The following DIAPH3 variants were observed in gnomAD, a reference collection of about 807,000 sequenced individuals.
DIAPH3 encodes protein diaphanous homolog 3.
In DIAPH3, 117 loss-of-function variants were observed where a neutral mutation model predicts 144.3. The observed-to-expected ratio is 0.81, with a 90% CI of 0.70 to 0.95. The LOEUF (loss-of-function observed/expected upper bound fraction) is 0.95, where lower values mean the gene tolerates loss of function less well. Ranked by LOEUF, DIAPH3 falls within the 40% of genes least tolerant of loss-of-function variation. DIAPH3 has a pLI of 0.00. For missense variants in DIAPH3, 1,421 were observed against 1,412.7 expected (o/e 1.01, Z -0.09); for synonymous variants, 519 against 488.9 (o/e 1.06, Z -0.81).
chr13:59,885,157 A>G (rs181794106), intron 20 of DIAPH3, among the ~76,000 whole-genome samples: 1 of 152,262 alleles, frequency 6.6e-6, no homozygotes, highest in Non-Finnish European at 1.5e-5. Context: ...ATCAAGTGGT[A>G]AAGCTATGAT....
At chr13:59,837,173 T>A (rs1243590835) in intron 23 of DIAPH3, among the ~76,000 whole-genome samples, 4 of 152,070 alleles carry the variant, frequency 2.6e-5, no homozygotes. Flanking sequence ...AAGAGATACA[T>A]GAATGCTAAT....
chr13:59,987,475 T>TAAAA (rs201333360), intron 12 of DIAPH3, among the ~76,000 whole-genome samples: 4 of 70,162 alleles, frequency 5.7e-5, no homozygotes, highest in South Asian at 1.3e-3. Context: ...TAAAGTATAA[T>TAAAA]AAAAAAAAAA....
At chr13:60,138,009 C>G (rs1341268384) in intron 1 of DIAPH3, among the ~76,000 whole-genome samples, 1 of 152,104 alleles carries the variant, frequency 6.6e-6, no homozygotes, top group African/African-American at 2.4e-5. Context: ...AAGGAGTGAG[C>G]CACCACGCCT....
At chr13:60,056,890 G>A (rs1170461417) in intron 4 of DIAPH3, among the ~76,000 whole-genome samples, 1 of 151,882 alleles carries the variant, frequency 6.6e-6, no homozygotes, top group Non-Finnish European at 1.5e-5. Context: ...GCATAACACT[G>A]TAAAGATATT....
intron 22 of DIAPH3, among the ~76,000 whole-genome samples, chr13:59,859,367 C>T (rs1031844344): frequency 6.6e-6 from 1 of 152,052 alleles, no homozygotes; most frequent in African/African-American, 2.4e-5. Context: ...GAAAAATACC[C>T]AGAAGAACCA....
chr13:59,891,554 G>A (rs567894667), intron 20 of DIAPH3, among the ~76,000 whole-genome samples: 73 of 151,674 alleles, frequency 4.8e-4, no homozygotes, highest in Admixed American at 1.4e-3. Context: ...TCCCATATAA[G>A]AAAAAGCAGA....
At chr13:60,137,682 A>G (rs1481980769) in intron 1 of DIAPH3, among the ~76,000 whole-genome samples, 3 of 151,852 alleles carry the variant, frequency 2.0e-5, no homozygotes, top group African/African-American at 7.3e-5. Context: ...TCAGAACCAA[A>G]TATGTGGTAG....
intron 27 of DIAPH3, among the ~76,000 whole-genome samples, chr13:59,739,388 C>T (rs1265345301): frequency 1.3e-5 from 2 of 152,222 alleles, no homozygotes; most frequent in African/African-American, 4.8e-5. Flanking sequence ...TGAGCTGATG[C>T]CTTAACTCCT....
At chr13:59,920,865 T>C (rs1256451923) in intron 18 of DIAPH3, among the ~76,000 whole-genome samples, 1 of 151,818 alleles carries the variant, frequency 6.6e-6, no homozygotes, top group Non-Finnish European at 1.5e-5. Flanking sequence ...TTAACAAATT[T>C]AAGGAGACTA....
At chr13:59,783,704 T>C (rs1423863631) in intron 25 of DIAPH3, among the ~76,000 whole-genome samples, 1 of 152,098 alleles carries the variant, frequency 6.6e-6, no homozygotes, top group African/African-American at 2.4e-5. Context: ...CCCCTAAACG[T>C]TGAAAGGGCA....
chr13:59,956,475 G>C (rs2049409931), intron 17 of DIAPH3, among the ~76,000 whole-genome samples: 2 of 152,230 alleles, frequency 1.3e-5, no homozygotes, highest in Non-Finnish European at 2.9e-5. Flanking sequence ...GTGCAAATAA[G>C]TCAAGAACTG....
chr13:59,771,669 T>A (rs2038128261), intron 27 of DIAPH3, among the ~76,000 whole-genome samples: 1 of 152,128 alleles, frequency 6.6e-6, no homozygotes, highest in Non-Finnish European at 1.5e-5. Context: ...GCAAAGAAAG[T>A]AACAACTTGG....
chr13:60,085,105 A>G (rs2057703488), intron 4 of DIAPH3, among the ~76,000 whole-genome samples: 1 of 151,968 alleles, frequency 6.6e-6, no homozygotes, highest in Non-Finnish European at 1.5e-5. Flanking sequence ...AACCAGGCAT[A>G]CTCTTCTCCT....
intron 5 of DIAPH3, among the ~76,000 whole-genome samples, chr13:60,021,714 C>T (rs183238997): frequency 6.7e-6 from 1 of 148,912 alleles, no homozygotes; most frequent in African/African-American, 2.5e-5. Context: ...CTTGCCTTTA[C>T]TGGTTTTGAA....
At chr13:59,755,482 T>G (rs1448152985) in intron 27 of DIAPH3, among the ~76,000 whole-genome samples, 1 of 151,770 alleles carries the variant, frequency 6.6e-6, no homozygotes. Flanking sequence ...AAAAACAGGA[T>G]GAAGTTCAAT....
At chr13:59,957,983 C>T (rs2049505534) in intron 17 of DIAPH3, among the ~76,000 whole-genome samples, 1 of 152,046 alleles carries the variant, frequency 6.6e-6, no homozygotes, top group African/African-American at 2.4e-5. Context: ...GAAAGAAGAG[C>T]CCTGCTTCAG....
intron 22 of DIAPH3, among the ~76,000 whole-genome samples, chr13:59,857,674 T>C (rs2043334607): frequency 6.6e-6 from 1 of 152,164 alleles, no homozygotes; most frequent in Non-Finnish European, 1.5e-5. Flanking sequence ...TAAGAATTCC[T>C]GGAAAACGTA....
chr13:60,081,103 A>C (rs2057544220), intron 4 of DIAPH3, among the ~76,000 whole-genome samples: 1 of 151,844 alleles, frequency 6.6e-6, no homozygotes, highest in East Asian at 1.9e-4. Flanking sequence ...TAACACACTC[A>C]CTAATTTATA....
intron 4 of DIAPH3, among the ~76,000 whole-genome samples, chr13:60,079,988 A>T (rs1470518680): frequency 6.6e-6 from 1 of 151,892 alleles, no homozygotes; most frequent in Admixed American, 6.6e-5. Context: ...TAAATTTTAT[A>T]ATTTAGTTAA....
Sources: allele counts gnomAD v4.1 joint callset (sites outside exome capture counted in the v4.1 genomes callset), GRCh38; gene constraint gnomAD v4.1.1; transcripts MANE v1.5; gene names NCBI Gene and HGNC (gene_info 2026-07-23, HGNC 2026-07-21).